Variants in ATP8B4 observed in about 807,000 individuals in gnomAD.
The protein encoded by ATP8B4 is ATPase phospholipid transporting 8B4 (putative).
Under a neutral mutation model 145.6 loss-of-function variants are expected in ATP8B4, and 133 were observed. The ratio of observed to expected loss-of-function variants is 0.91; its 90% CI spans 0.79 to 1.05. The LOEUF is 1.05. ATP8B4 is among the 50% of genes least tolerant of loss of function. ATP8B4 has a pLI of 0.00. For missense variants in ATP8B4, 1,458 were observed against 1,425.2 expected (o/e 1.02, Z -0.37); for synonymous variants, 507 against 492.9 (o/e 1.03, Z -0.38).
Position 49,898,178 on chromosome 15 carries a change from C to G in ATP8B4, c.2363G>C (p.Cys788Ser), listed in dbSNP as rs145377032. Residue 788 changes from cysteine to serine, a missense_variant, in exon 22 of 28, where the codon TGC (cysteine) becomes TCC (serine). Coordinates refer to ENST00000284509, the MANE Select transcript of ATP8B4 (RefSeq NM_024837.4). ...GGCTTTCTGGAGTGGAGTGACCCTG[C>G]AGCAAATTACAGTCTTACACATGCA... is the stretch of plus-strand genomic sequence containing the variant. ...LACMCKTVIC[C>S]RVTPLQKAQV... The G allele has an allele frequency of 1.2e-6, 2 of 1,613,720 alleles. No individual in the cohort carries two copies. Among genetic ancestry groups the G allele is most frequent in the Non-Finnish European group, 1.7e-6 (2 of 1,179,884 alleles).
chr15:49,903,080 G>T (rs1330281118), intron 20 of ATP8B4, among the ~76,000 whole-genome samples: 1 of 152,024 alleles, frequency 6.6e-6, no homozygotes, highest in Non-Finnish European at 1.5e-5. Flanking sequence ...AGTTTTTCTG[G>T]CTCTGCTGAA....
intron 3 of ATP8B4, among the ~76,000 whole-genome samples, chr15:50,067,007 G>A (rs1298107392): frequency 4.0e-5 from 6 of 151,782 alleles, no homozygotes; most frequent in African/African-American, 9.7e-5. Context: ...TCCTCTCTTC[G>A]TTCACTTCAA....
Position 49,859,156 on chromosome 15 carries a change from G to A in ATP8B4, c.*1038C>T, listed in dbSNP as rs2031188776. On this transcript the variant is annotated 3_prime_UTR_variant, in exon 28 of 28. Transcript: ENST00000284509. The stretch of plus-strand genomic sequence containing the variant: ...CAAAAAAACAACCTTACCTACATAT[G>A]TTTACTACATGTTTGAATTATAAAC... The A allele has an allele frequency of 6.6e-6, 1 of 152,168 alleles. No homozygotes were observed. 9.4% of individuals were successfully genotyped at this position (152,168 alleles called of 1,614,324 possible). A position where few individuals can be genotyped will look rare whatever the true frequency, so the allele number is the denominator to read the frequency against.
chr15:49,886,791 A>C (rs1201919163), intron 23 of ATP8B4, among the ~76,000 whole-genome samples: 1 of 151,800 alleles, frequency 6.6e-6, no homozygotes, highest in Admixed American at 6.6e-5. Context: ...GGTCTTTCAC[A>C]GAAATTAAGG....
intron 18 of ATP8B4, 77 bp from the exon 19 acceptor site, chr15:49,919,027 G>T: frequency 9.8e-7 from 1 of 1,024,050 alleles, no homozygotes; most frequent in Non-Finnish European, 1.5e-6. Context: ...TTCACTCACA[G>T]ATTCTGGAGG....
chr15:49,866,430 TC>T lies in ATP8B4; in HGVS notation c.3081del (p.Ser1028AlafsTer35). 6.2e-7 allele frequency: 1 copy of T among 1,613,558 alleles called. No individual in the cohort carries two copies. The highest frequency in any genetic ancestry group is 8.5e-7 in the Non-Finnish European group (1 of 1,179,506). On this transcript the variant is annotated frameshift_variant, in exon 26 of 28. Transcript: ENST00000284509. LOFTEE classifies it high-confidence loss of function. ...AAAATGGAGAAATAAATGGCAATGC[TC>T]CCCCAGATGAAGACGTGATTAATGA... Reference protein sequence around the residue: ...WTFINHVFIWGSIAIYFSILF... With the variant: ...WTFINHVFIWXSIAIYFSILF...
chr15:50,146,872 G>T (rs2044283752), intron 1 of ATP8B4, among the ~76,000 whole-genome samples: 1 of 152,198 alleles, frequency 6.6e-6, no homozygotes, highest in South Asian at 2.1e-4. Context: ...CACAGGAAGA[G>T]GAACCCTTCT....
intron 5 of ATP8B4, among the ~76,000 whole-genome samples, chr15:50,039,282 T>C (rs2051087495): frequency 6.6e-6 from 1 of 152,232 alleles, no homozygotes; most frequent in African/African-American, 2.4e-5. Context: ...CAACATCAAT[T>C]TTTATTCTCC....
At chr15:50,137,778 C>T (rs1405148424) in intron 1 of ATP8B4, among the ~76,000 whole-genome samples, 2 of 152,084 alleles carry the variant, frequency 1.3e-5, no homozygotes, top group African/African-American at 4.8e-5. Flanking sequence ...CTGGGAGGGT[C>T]GTCATCTTGA....
At chr15:50,071,775 G>A (rs1334335537) in intron 3 of ATP8B4, among the ~76,000 whole-genome samples, 1 of 152,160 alleles carries the variant, frequency 6.6e-6, no homozygotes, top group African/African-American at 2.4e-5. Flanking sequence ...AGGCTAAGAA[G>A]CATGTTGATC....
intron 20 of ATP8B4, chr15:49,907,914 T>C (rs2038797869): frequency 2.6e-6 from 1 of 378,892 alleles, no homozygotes; most frequent in Admixed American, 3.4e-5. Context: ...TTTAGGTTAA[T>C]TATTAAAGGG....
At chr15:50,169,171 C>G (rs2140861779) in intron 1 of ATP8B4, among the ~76,000 whole-genome samples, 1 of 152,348 alleles carries the variant, frequency 6.6e-6, no homozygotes, top group East Asian at 1.9e-4. Flanking sequence ...CGTCTCCACA[C>G]TACTACAGCT....
intron 19 of ATP8B4, 45 bp from the exon 20 acceptor site, chr15:49,917,084 ACCTAAGT>A: frequency 6.4e-7 from 1 of 1,570,238 alleles, no homozygotes; most frequent in East Asian, 2.2e-5. Context: ...TTACTTAATA[ACCTAAGT>A]CCATTTTTAA....
At chr15:50,161,731 T>C (rs1220327940) in intron 1 of ATP8B4, among the ~76,000 whole-genome samples, 1 of 152,074 alleles carries the variant, frequency 6.6e-6, no homozygotes, top group Non-Finnish European at 1.5e-5. Context: ...TGAAATCTTC[T>C]TGTAGTTACT....
intron 1 of ATP8B4, among the ~76,000 whole-genome samples, chr15:50,176,161 T>A (rs991731705): frequency 1.6e-4 from 24 of 151,924 alleles, no homozygotes; most frequent in Admixed American, 3.9e-4. Flanking sequence ...TGTGTATATA[T>A]ACACACACAA....
chr15:50,164,352 A>C (rs1054748892), intron 1 of ATP8B4, among the ~76,000 whole-genome samples: 5 of 152,150 alleles, frequency 3.3e-5, no homozygotes, highest in African/African-American at 9.7e-5. Flanking sequence ...CAGGTGATGA[A>C]TCCTGCCAAG....
At chr15:50,008,322 G>A (rs920773189) in intron 7 of ATP8B4, among the ~76,000 whole-genome samples, 10 of 152,156 alleles carry the variant, frequency 6.6e-5, no homozygotes, top group African/African-American at 1.2e-4. Context: ...GGAGAGAGGC[G>A]TGAGCAACTG....
intron 23 of ATP8B4, among the ~76,000 whole-genome samples, chr15:49,894,686 G>A (rs1402072017): frequency 5.3e-5 from 8 of 152,188 alleles, no homozygotes; most frequent in Non-Finnish European, 8.8e-5. Flanking sequence ...GAGCCCCTTT[G>A]CCACAGTGGT....
intron 1 of ATP8B4, among the ~76,000 whole-genome samples, chr15:50,180,919 G>A (rs1347002675): frequency 4.0e-5 from 6 of 150,398 alleles, no homozygotes; most frequent in Non-Finnish European, 5.9e-5. Context: ...TACACACACC[G>A]AAAAAAAAAG....
Sources: gnomAD v4.1 joint callset for allele counts (sites outside exome capture counted in the v4.1 genomes callset) on GRCh38, gnomAD v4.1.1 for gene constraint, MANE v1.5 for transcripts, NCBI Gene and HGNC (gene_info 2026-07-23, HGNC 2026-07-21) for gene names.